The following DPYD variants were observed in gnomAD, a reference collection of about 807,000 sequenced individuals.
DPYD encodes dihydropyrimidine dehydrogenase, also known as dihydropyrimidine dehydrogenase [NADP(+)].
Under a neutral mutation model 116.2 loss-of-function variants are expected in DPYD, and 109 were observed. The observed-to-expected ratio is 0.94, with a 90% CI of 0.80 to 1.10. The LOEUF is 1.10. Ranked by LOEUF, DPYD falls within the 50% of genes least tolerant of loss-of-function variation. The pLI is 0.00. For synonymous variants in DPYD, 440 were observed against 432.0 expected (o/e 1.02, Z -0.23); for missense variants, 1,302 against 1,254.5 (o/e 1.04, Z -0.57).
rs915909832 is a variant in DPYD at position 97,267,061 on chromosome 1, G to T, written c.2300-32067C>A. Among the ~76,000 whole-genome samples, 16 of 152,136 alleles carry T rather than the reference G, an allele frequency of 1.1e-4. No individual in the cohort carries two copies. The Middle Eastern group carries it at 0.01, about 98-fold the overall frequency. On this transcript the variant is annotated intron_variant, in intron 18 of 22. Transcript: ENST00000370192. ...TATATACCCCGTAATGGGATCACTGGGTCAAATGGTATTTCTAGTTCTAGA... is the reference window on the plus strand; with the variant it reads ...TATATACCCCGTAATGGGATCACTGTGTCAAATGGTATTTCTAGTTCTAGA...
At chr1:97,694,012 A>G (rs1661167962) in intron 6 of DPYD, among the ~76,000 whole-genome samples, 1 of 152,206 alleles carries the variant, frequency 6.6e-6, no homozygotes, top group African/African-American at 2.4e-5. Context: ...GAAAGGAGGA[A>G]GGGGCAGCCA....
At chr1:97,840,143 A>G (rs2101530756) in intron 2 of DPYD, among the ~76,000 whole-genome samples, 1 of 152,298 alleles carries the variant, frequency 6.6e-6, no homozygotes, top group African/African-American at 2.4e-5. Flanking sequence ...TTTGAGATAA[A>G]GCTATAGTGG....
intron 16 of DPYD, among the ~76,000 whole-genome samples, chr1:97,318,575 A>C (rs1232297618): frequency 6.6e-6 from 1 of 152,080 alleles, no homozygotes; most frequent in African/African-American, 2.4e-5. Context: ...ACCCAGATTC[A>C]TAAAGCAAGT....
Position 97,581,245 on chromosome 1 carries a change from T to C in DPYD, c.1129-7275A>G, listed in dbSNP as rs139668546. 7.4e-3 allele frequency among the ~76,000 whole-genome samples: 1,023 copies of C among 139,068 alleles called. 13 individuals are homozygous for C. Among genetic ancestry groups the C allele is most frequent in the African/African-American group, 0.026 (975 of 37,050 alleles). 91.2% of individuals were successfully genotyped at this position (139,068 alleles called of 152,430 possible). A position where few individuals can be genotyped will look rare whatever the true frequency, so the allele number is the denominator to read the frequency against. The stretch of plus-strand genomic sequence containing the variant: ...AGGATGCTGAGGCAGGAGAATGGCA[T>C]GAACCCGGGAAGTGGAGGTTGCAGT... On this transcript the variant is annotated intron_variant, in intron 10 of 22. Coordinates refer to ENST00000370192, the MANE Select transcript of DPYD (RefSeq NM_000110.4).
intron 19 of DPYD, among the ~76,000 whole-genome samples, chr1:97,217,992 G>A (rs1157512839): frequency 6.6e-6 from 1 of 152,182 alleles, no homozygotes; most frequent in Admixed American, 6.5e-5. Flanking sequence ...AAGGTTTATA[G>A]AGGTTAAATA....
intron 20 of DPYD, among the ~76,000 whole-genome samples, chr1:97,138,840 T>C (rs1473008933): frequency 6.6e-6 from 1 of 152,164 alleles, no homozygotes; most frequent in Non-Finnish European, 1.5e-5. Context: ...AGAGCTCTCC[T>C]CTGGCTTTCT....
At chr1:97,715,125 C>T (rs1203361565) in intron 5 of DPYD, among the ~76,000 whole-genome samples, 1 of 152,036 alleles carries the variant, frequency 6.6e-6, no homozygotes, top group Non-Finnish European at 1.5e-5. Flanking sequence ...ATTTTGTAAT[C>T]ACTTTGATTC....
intron 18 of DPYD, among the ~76,000 whole-genome samples, chr1:97,270,344 C>T (rs908697993): frequency 3.9e-5 from 6 of 152,170 alleles, no homozygotes; most frequent in Non-Finnish European, 7.3e-5. Context: ...TTCCCTACCC[C>T]AATCTGTGTT....
chr1:97,671,058 T>C (rs1659835236), intron 8 of DPYD, among the ~76,000 whole-genome samples: 1 of 152,056 alleles, frequency 6.6e-6, no homozygotes, highest in African/African-American at 2.4e-5. Context: ...TAAAATATAA[T>C]TTGTGTTTTA....
chr1:97,377,737 A>G (rs1198862363), intron 15 of DPYD, among the ~76,000 whole-genome samples: 1 of 152,122 alleles, frequency 6.6e-6, no homozygotes, highest in Admixed American at 6.5e-5. Context: ...TTCCTGATCA[A>G]TACAGCTCTA....
intron 18 of DPYD, among the ~76,000 whole-genome samples, chr1:97,239,867 A>G (rs983113024): frequency 2.6e-5 from 4 of 152,086 alleles, no homozygotes; most frequent in African/African-American, 9.7e-5. Context: ...AGCTGTTTTG[A>G]AGAATAAATT....
chr1:97,801,147 A>G (rs930619395), intron 3 of DPYD, among the ~76,000 whole-genome samples: 1 of 149,996 alleles, frequency 6.7e-6, no homozygotes, highest in African/African-American at 2.5e-5. Context: ...GCCAACATGA[A>G]TAGGATTAGT....
chr1:97,888,689 TA>T (rs1672625611), intron 1 of DPYD, among the ~76,000 whole-genome samples: 1 of 151,374 alleles, frequency 6.6e-6, no homozygotes, highest in Admixed American at 6.6e-5. Context: ...AATTTCTCAT[TA>T]ACAACCAGAG....
chr1:97,464,395 C>G (rs974831092), intron 13 of DPYD, among the ~76,000 whole-genome samples: 1 of 152,154 alleles, frequency 6.6e-6, no homozygotes, highest in South Asian at 2.1e-4. Context: ...GAGCCAAATG[C>G]TAATCCCAAA....
At chr1:97,393,368 T>A (rs1420587661) in intron 14 of DPYD, among the ~76,000 whole-genome samples, 1 of 152,052 alleles carries the variant, frequency 6.6e-6, no homozygotes, top group African/African-American at 2.4e-5. Flanking sequence ...TATGTATACA[T>A]GTGCCATGTT....
intron 9 of DPYD, 141 bp from the exon 10 acceptor site, chr1:97,593,528 C>T (rs1370460382): frequency 2.1e-6 from 2 of 936,220 alleles, no homozygotes; most frequent in Non-Finnish European, 3.3e-6. Flanking sequence ...AATTATTCTG[C>T]TTCATTGAAA....
In DPYD at chr1:97,549,715, T is replaced by C. The variant is rs750147471; in HGVS notation, c.1369A>G (p.Asn457Asp). ...TCTACTTCTGGGAGACCCCATCTGT[T>C]AAATTTTATAGGGCTCAAGGCTTCT... ...VKEALSPIKF[N>D]RWGLPEVDPE... is the part of the protein sequence containing the mutation. The change falls in exon 12 of 23, where the codon AAC (asparagine) becomes GAC (aspartate). Residue 457 changes from asparagine (N) to aspartate (D), a missense_variant. By Grantham distance (23) the Asn-to-Asp change is conservative. Transcript: ENST00000370192. 13 of 1,613,764 alleles carry C rather than the reference T, an allele frequency of 8.1e-6. No individual in the cohort carries two copies. The South Asian group carries it at 1.4e-4, about 18-fold the overall frequency.
At chr1:97,439,676 T>C (rs563124176) in intron 14 of DPYD, among the ~76,000 whole-genome samples, 5 of 152,244 alleles carry the variant, frequency 3.3e-5, no homozygotes, top group South Asian at 2.1e-4. Context: ...TTTACCTTCA[T>C]TGATGTTCTC....
At chr1:97,867,430 T>C (rs1260682751) in intron 2 of DPYD, among the ~76,000 whole-genome samples, 1 of 151,844 alleles carries the variant, frequency 6.6e-6, no homozygotes, top group Admixed American at 6.6e-5. Context: ...ATTTGAGTTG[T>C]AGAAGCCTTT....
Sources: allele counts gnomAD v4.1 joint callset (sites outside exome capture counted in the v4.1 genomes callset), GRCh38; gene constraint gnomAD v4.1.1; transcripts MANE v1.5; gene names NCBI Gene and HGNC (gene_info 2026-07-23, HGNC 2026-07-21).